Variants in CDH2 observed in about 807,000 individuals in gnomAD.
CDH2 encodes cadherin-2.
CDH2 carries 17 observed loss-of-function variants against 92.0 expected under a neutral mutation model. The ratio of observed to expected loss-of-function variants is 0.18; its 90% confidence interval spans 0.13 to 0.28. CDH2 has a LOEUF of 0.28. Among genes scored for constraint, CDH2 ranks in the 10% least tolerant of loss-of-function variants. CDH2 has a pLI of 1.00. For synonymous variants in CDH2, 419 were observed against 415.9 expected (o/e 1.01, Z -0.09); for missense variants, 862 against 1,133.1 (o/e 0.76, Z 3.44).
At position 28,100,540 on chromosome 18, in the gene CDH2, T is replaced by G. The variant is rs568653866; in HGVS notation, c.172+47133A>C. On this transcript the variant is annotated intron_variant, in intron 2 of 15. Transcript: ENST00000269141. ...ATGAGCTAATTCCTTAGAAAGAAAA[T>G]CCTATGGCTCGGTTTCTCTGGAGAA... 3.4e-4 allele frequency among the ~76,000 whole-genome samples: 52 copies of G among 152,258 alleles called. 2 individuals are homozygous for G. The South Asian group carries it at 0.011, about 31-fold the overall frequency.
rs770147491 is a variant in CDH2 at position 27,993,615 on chromosome 18, A to G, written c.1043T>C (p.Ile348Thr). Reference sequence around the variant, plus strand: ...GCCTTCCATGTCTGTAGCTTGAATTATTAACGTATACTGTTGCACTTTCTA... The same window carrying G: ...GCCTTCCATGTCTGTAGCTTGAATTGTTAACGTATACTGTTGCACTTTCTA... ...DREKVQQYTL[I>T]IQATDMEGNP... is the part of the protein sequence containing the mutation. Residue 348 changes from isoleucine to threonine, a missense_variant, in exon 8 of 16, where the codon ATA (isoleucine) becomes ACA (threonine). Around this residue, in one of 5 missense-constraint regions of CDH2, gnomAD observed 564 missense variants for 722.2 expected, o/e 0.78. Transcript: ENST00000269141. The G allele has an allele frequency of 7.4e-6, 12 of 1,612,790 alleles. No homozygotes were observed. Among genetic ancestry groups the G allele is most frequent in the Non-Finnish European group, 1.0e-5 (12 of 1,178,882 alleles).
intron 15 of CDH2, among the ~76,000 whole-genome samples, chr18:27,958,465 T>A (rs2011308215): frequency 1.3e-5 from 2 of 150,694 alleles, no homozygotes; most frequent in Non-Finnish European, 3.0e-5. Context: ...AAAAATCTCT[T>A]TATATATGTA....
intron 2 of CDH2, among the ~76,000 whole-genome samples, chr18:28,083,580 A>C (rs1337628800): frequency 6.6e-6 from 1 of 152,322 alleles, no homozygotes. Flanking sequence ...TTTGTGAATA[A>C]GAACTTGCTG....
chr18:27,946,561 T>C (rs1232234846), downstream of CDH2, among the ~76,000 whole-genome samples: 2 of 152,028 alleles, frequency 1.3e-5, no homozygotes, highest in Non-Finnish European at 2.9e-5. Context: ...GATAAAATTG[T>C]AGGAGAATTT....
intron 2 of CDH2, among the ~76,000 whole-genome samples, chr18:28,016,902 T>G (rs2144046086): frequency 6.6e-6 from 1 of 152,324 alleles, no homozygotes; most frequent in Non-Finnish European, 1.5e-5. Flanking sequence ...TTTTTAATTC[T>G]GTTTATATGG....
intron 14 of CDH2, among the ~76,000 whole-genome samples, chr18:27,978,367 A>G (rs1378585838): frequency 1.3e-5 from 2 of 152,202 alleles, no homozygotes; most frequent in Non-Finnish European, 1.5e-5. Flanking sequence ...AACAGGTAGT[A>G]CCGCATAGAA....
chr18:28,105,568 T>C (rs1019560436), intron 2 of CDH2, among the ~76,000 whole-genome samples: 9 of 152,130 alleles, frequency 5.9e-5, no homozygotes, highest in African/African-American at 2.2e-4. Flanking sequence ...CAATTATACA[T>C]AAATTAAAAA....
chr18:27,976,110 C>T (rs2011820549), intron 14 of CDH2, among the ~76,000 whole-genome samples: 1 of 152,136 alleles, frequency 6.6e-6, no homozygotes, highest in South Asian at 2.1e-4. Flanking sequence ...AGAGAGCAGG[C>T]AAACAGGGAC....
At chr18:28,132,672 A>G (rs2015792236) in intron 2 of CDH2, among the ~76,000 whole-genome samples, 1 of 152,152 alleles carries the variant, frequency 6.6e-6, no homozygotes, top group South Asian at 2.1e-4. Context: ...ATGGCACAGG[A>G]GCAGCAGGGA....
At position 28,177,064 on chromosome 18, in the gene CDH2, G is replaced by A. The variant is rs1297274688; in HGVS notation, c.-42C>T. ...CGAGCGAAGAGCCGGAGGAGGCGGC[G>A]GCGGCGGCGGCGGCGGCGGAGGAGG... On this transcript the variant is annotated 5_prime_UTR_variant, in exon 1 of 16. Coordinates refer to ENST00000269141, the MANE Select transcript of CDH2 (RefSeq NM_001792.5). 3 of 1,319,098 alleles carry A rather than the reference G, an allele frequency of 2.3e-6. No homozygotes were observed. The highest frequency in any genetic ancestry group is 2.2e-5 in the Admixed American group (1 of 44,658). 81.7% of individuals were successfully genotyped at this position (1,319,098 alleles called of 1,614,324 possible). A position where few individuals can be genotyped will look rare whatever the true frequency, so the allele number is the denominator to read the frequency against.
Position 28,023,029 on chromosome 18 carries a change from C to A in CDH2, c.173-9120G>T, listed in dbSNP as rs997231863. ...ACACAATGTATTTTTTTAATTAACT[C>A]TTGAAAAAAGGTATCTTTTTAGACA... On this transcript the variant is annotated intron_variant, in intron 2 of 15. Coordinates refer to ENST00000269141, the MANE Select transcript of CDH2 (RefSeq NM_001792.5). Among the ~76,000 whole-genome samples the A allele has an allele frequency of 2.6e-5, 4 of 152,004 alleles. No homozygotes were observed. In the South Asian group the frequency reaches 8.3e-4, roughly 32 times the overall value.
intron 2 of CDH2, among the ~76,000 whole-genome samples, chr18:28,051,975 G>A (rs1342690672): frequency 2.0e-5 from 3 of 152,108 alleles, no homozygotes; most frequent in Non-Finnish European, 2.9e-5. Context: ...TATTGCAGTT[G>A]CATAAGTACT....
chr18:28,045,914 G>C (rs2014065394), intron 2 of CDH2, among the ~76,000 whole-genome samples: 1 of 152,196 alleles, frequency 6.6e-6, no homozygotes, highest in Non-Finnish European at 1.5e-5. Context: ...GTTATTTTCT[G>C]GAGTCTGTAG....
intron 2 of CDH2, among the ~76,000 whole-genome samples, chr18:28,070,214 G>GTT (rs750697264): frequency 6.6e-6 from 1 of 152,156 alleles, no homozygotes; most frequent in Non-Finnish European, 1.5e-5. Flanking sequence ...AGAGTAAAAA[G>GTT]TTGCATAGAA....
chr18:28,054,953 C>T (rs2014263734), intron 2 of CDH2, among the ~76,000 whole-genome samples: 1 of 152,138 alleles, frequency 6.6e-6, no homozygotes, highest in Non-Finnish European at 1.5e-5. Flanking sequence ...ATAAAGAAAT[C>T]TCAATTTGTA....
intron 2 of CDH2, among the ~76,000 whole-genome samples, chr18:28,071,742 A>G (rs544025373): frequency 6.6e-6 from 1 of 152,252 alleles, no homozygotes; most frequent in East Asian, 1.9e-4. Flanking sequence ...TATGTCCACT[A>G]TCCATTTCCT....
At chr18:27,960,413 G>C (rs1158647171) in intron 15 of CDH2, among the ~76,000 whole-genome samples, 1 of 152,214 alleles carries the variant, frequency 6.6e-6, no homozygotes, top group African/African-American at 2.4e-5. Flanking sequence ...GAAATTGTAA[G>C]CTGAGATTGT....
intron 5 of CDH2, 146 bp from the exon 6 acceptor site, chr18:28,006,139 C>A (rs1185194736): frequency 6.5e-6 from 4 of 617,896 alleles, no homozygotes; most frequent in Non-Finnish European, 8.4e-6. Flanking sequence ...TAAGTTACAC[C>A]AAGTCCATAT....
At chr18:28,089,092 A>G (rs1413880963) in intron 2 of CDH2, among the ~76,000 whole-genome samples, 1 of 152,218 alleles carries the variant, frequency 6.6e-6, no homozygotes, top group Non-Finnish European at 1.5e-5. Context: ...GAGGAGGAAC[A>G]GAGCTCATCA....
Sources: allele counts gnomAD v4.1 joint callset (sites outside exome capture counted in the v4.1 genomes callset), GRCh38; gene constraint gnomAD v4.1.1; regional missense constraint gnomAD v4.1.1; transcripts MANE v1.5; gene names NCBI Gene and HGNC (gene_info 2026-07-23, HGNC 2026-07-21).